The following LINC00632 variants were observed in gnomAD, a reference collection of about 807,000 sequenced individuals.
LINC00632 encodes the protein ALDOA related specific transcript.
chrX:140,789,492 T>A (rs945390114), exon 5 of LINC00632, among the ~76,000 whole-genome samples: 6 of 111,746 alleles, frequency 5.4e-5, no homozygotes, highest in Non-Finnish European at 1.1e-4. Flanking sequence ...CTAATATAGA[T>A]AATGATATAT....
At chrX:140,765,113 A>C (rs1375635730) in intron 3 of LINC00632, among the ~76,000 whole-genome samples, 1 of 112,101 alleles carries the variant, frequency 8.9e-6, no homozygotes, top group Non-Finnish European at 1.9e-5. Context: ...CAGACCTTGC[A>C]CTTGAACGAC....
At chrX:140,730,385 C>T (rs1386802871) in intron 2 of LINC00632, among the ~76,000 whole-genome samples, 1 of 110,725 alleles carries the variant, frequency 9.0e-6, no homozygotes, top group South Asian at 3.9e-4. Flanking sequence ...ATAGAACCAA[C>T]TCCCAATGCA....
intron 3 of LINC00632, chrX:140,771,948 G>A (rs1025418006): frequency 5.8e-5 from 10 of 171,840 alleles, no homozygotes; most frequent in Middle Eastern, 1.9e-3. Flanking sequence ...CCAAAGTGCC[G>A]GGATTACAGG....
chrX:140,726,907 C>T (rs1286199062), intron 2 of LINC00632, among the ~76,000 whole-genome samples: 1 of 111,925 alleles, frequency 8.9e-6, no homozygotes, highest in Non-Finnish European at 1.9e-5. Context: ...CCCCATCACC[C>T]GCTGCCAGCA....
At chrX:140,761,273 C>T (rs1025579451) in intron 3 of LINC00632, among the ~76,000 whole-genome samples, 1 of 112,483 alleles carries the variant, frequency 8.9e-6, no homozygotes, top group Admixed American at 9.4e-5. Flanking sequence ...TGATGGGTTG[C>T]CCTAACCTTT....
intron 2 of LINC00632, among the ~76,000 whole-genome samples, chrX:140,726,484 C>A (rs912882644): frequency 1.8e-5 from 2 of 111,799 alleles, no homozygotes; most frequent in Non-Finnish European, 3.8e-5. Context: ...AAACCCACCC[C>A]AGAACACATG....
chrX:140,783,861 C>T (rs538565518), exon 5 of LINC00632: 37 of 1,208,655 alleles, frequency 3.1e-5, no homozygotes, highest in African/African-American at 2.5e-4. Flanking sequence ...AGAAAATCCA[C>T]GTCTTCCCAA....
At chrX:140,771,699 A>T (rs1436331625) in intron 3 of LINC00632, among the ~76,000 whole-genome samples, 5 of 58,277 alleles carry the variant, frequency 8.6e-5, no homozygotes, top group East Asian at 6.1e-4. Flanking sequence ...TTTTTTTTTG[A>T]GACGGAATCT....
rs776624416 is a variant in LINC00632 at position 140,724,819 on chromosome X, C to T, written n.105-9059C>T. Among the ~76,000 whole-genome samples, 4 of 34,093 alleles carry T rather than the reference C, an allele frequency of 1.2e-4. No homozygotes were observed. In the South Asian group the frequency reaches 5.3e-3, roughly 45 times the overall value. 29.6% of individuals were successfully genotyped at this position (34,093 alleles called of 115,157 possible). On this transcript the variant is annotated intron_variant and non_coding_transcript_variant, in intron 2 of 4. Coordinates refer to ENST00000648200, the Ensembl canonical transcript of LINC00632. Reference sequence around the variant, plus strand: ...TACACACAGAGACACATTCCATACACACACGCACACATTCCACACGCACAC... The same window carrying T: ...TACACACAGAGACACATTCCATACATACACGCACACATTCCACACGCACAC...
intron 3 of LINC00632, among the ~76,000 whole-genome samples, chrX:140,757,648 C>G (rs1296606117): frequency 9.0e-6 from 1 of 111,286 alleles, no homozygotes; most frequent in African/African-American, 3.3e-5. Flanking sequence ...CTCACTGCAA[C>G]CTCCGCCTCC....
At chrX:140,784,040 C>T (rs775755335) in exon 5 of LINC00632, 10 of 1,209,292 alleles carry the variant, frequency 8.3e-6, no homozygotes, top group Middle Eastern at 2.3e-4. Flanking sequence ...CCAAAAAATC[C>T]GGGTCTTCCA....
chrX:140,738,099 G>A (rs1267290632), intron 3 of LINC00632, among the ~76,000 whole-genome samples: 1 of 111,950 alleles, frequency 8.9e-6, no homozygotes, highest in Non-Finnish European at 1.9e-5. Flanking sequence ...AATATATACT[G>A]CAACTAGTTA....
At chrX:140,759,296 CCT>C (rs1931554431) in intron 3 of LINC00632, among the ~76,000 whole-genome samples, 1 of 38,139 alleles carries the variant, frequency 2.6e-5, no homozygotes, top group African/African-American at 1.0e-4. Context: ...TTCTTTCCTT[CCT>C]TCCTTCCTTC....
chrX:140,754,252 A>G (rs1331207480), intron 3 of LINC00632, among the ~76,000 whole-genome samples: 1 of 111,111 alleles, frequency 9.0e-6, no homozygotes, highest in Admixed American at 9.6e-5. Context: ...CTTCCTCCCC[A>G]TGGTTCTAAT....
chrX:140,723,790 A>G (rs767313242), intron 2 of LINC00632, among the ~76,000 whole-genome samples: 3 of 870 alleles, frequency 3.4e-3, no homozygotes, highest in African/African-American at 9.9e-3. Context: ...CCATACACAC[A>G]TACATACACA....
chrX:140,721,844 C>T (rs1345545280), intron 2 of LINC00632, among the ~76,000 whole-genome samples: 1 of 111,121 alleles, frequency 9.0e-6, no homozygotes, highest in East Asian at 2.9e-4. Context: ...CACTTACACT[C>T]GCCTCATAGC....
At chrX:140,730,647 G>A (rs766806182) in intron 2 of LINC00632, among the ~76,000 whole-genome samples, 1 of 111,105 alleles carries the variant, frequency 9.0e-6, no homozygotes, top group South Asian at 3.9e-4. Flanking sequence ...AGTCCACAAC[G>A]CATAGACTTG....
In LINC00632 at chrX:140,739,720, AACAG is replaced by A. The variant is rs748464484; in HGVS notation, n.191+5760_191+5763del. On this transcript the variant is annotated intron_variant and non_coding_transcript_variant, in intron 3 of 4. Coordinates refer to ENST00000648200, the Ensembl canonical transcript of LINC00632. ...ACAGCCGTGACCAAATTTGAGCATAAACAGACAATGTCTACCCCTATTCAACCAC... is the reference window on the plus strand; with the variant it reads ...ACAGCCGTGACCAAATTTGAGCATAAACAATGTCTACCCCTATTCAACCAC... 2.4e-3 allele frequency among the ~76,000 whole-genome samples: 265 copies of A among 110,803 alleles called. 1 individual carries two copies. The highest frequency in any genetic ancestry group is 8.3e-3 in the African/African-American group (253 of 30,458).
At chrX:140,767,169 G>A (rs778404189) in intron 3 of LINC00632, among the ~76,000 whole-genome samples, 130 of 111,458 alleles carry the variant, frequency 1.2e-3, no homozygotes, top group African/African-American at 4.1e-3. Flanking sequence ...AGATTGCATA[G>A]CTGTACATTT....
Sources: allele counts gnomAD v4.1 joint callset (sites outside exome capture counted in the v4.1 genomes callset), GRCh38; gene constraint gnomAD v4.1.1; transcripts MANE v1.5; gene names NCBI Gene and HGNC (gene_info 2026-07-23, HGNC 2026-07-21).